The following TNFAIP8 variants were observed in gnomAD, a reference collection of about 807,000 sequenced individuals.
TNFAIP8 encodes the protein TNF alpha induced protein 8.
TNFAIP8 carries 7 observed loss-of-function variants against 13.3 expected under a neutral mutation model. That is an observed-to-expected ratio of 0.52 (90% CI 0.30 to 0.99). TNFAIP8 has a LOEUF of 0.99. Ranked by LOEUF, TNFAIP8 falls within the 50% of genes least tolerant of loss-of-function variation. The pLI, the probability that TNFAIP8 is intolerant of heterozygous loss-of-function variation, is 0.07. For missense variants in TNFAIP8, 258 were observed against 236.9 expected (o/e 1.09, Z -0.58); for synonymous variants, 94 against 87.6 (o/e 1.07, Z -0.41).
At chr5:119,347,586 C>A (rs1287181667) in intron 1 of TNFAIP8, among the ~76,000 whole-genome samples, 2 of 152,162 alleles carry the variant, frequency 1.3e-5, no homozygotes, top group Non-Finnish European at 2.9e-5. Flanking sequence ...TGAATCATAA[C>A]TAGTATATAT....
At chr5:119,310,956 A>T (rs1749711202) in intron 1 of TNFAIP8, among the ~76,000 whole-genome samples, 1 of 152,160 alleles carries the variant, frequency 6.6e-6, no homozygotes, top group Non-Finnish European at 1.5e-5. Flanking sequence ...CAAAAGCATT[A>T]TACTCCAAAG....
intron 1 of TNFAIP8, among the ~76,000 whole-genome samples, chr5:119,314,835 T>C (rs1749836360): frequency 1.3e-5 from 2 of 152,234 alleles, no homozygotes; most frequent in Non-Finnish European, 2.9e-5. Flanking sequence ...GATTAAAGCA[T>C]GTATGGCGCA....
chr5:119,292,677 TATATATATACACACACACAC>T (rs1749030125), intron 1 of TNFAIP8, among the ~76,000 whole-genome samples: 1 of 36,436 alleles, frequency 2.7e-5, no homozygotes, highest in South Asian at 9.2e-4. Context: ...TATATATATA[TATATATATACACACACACAC>T]AATGAAATAC....
At chr5:119,297,194 T>C (rs937031881) in intron 1 of TNFAIP8, among the ~76,000 whole-genome samples, 195 of 152,330 alleles carry the variant, frequency 1.3e-3, no homozygotes, top group African/African-American at 4.5e-3. Context: ...TTAATTGTGA[T>C]GTTAGGGTGG....
At chr5:119,303,445 A>G (rs1021161244) in intron 1 of TNFAIP8, among the ~76,000 whole-genome samples, 4 of 152,060 alleles carry the variant, frequency 2.6e-5, no homozygotes, top group African/African-American at 9.7e-5. Context: ...TAATGGGCTC[A>G]GTTAGATGGA....
At position 119,276,385 on chromosome 5, in the gene TNFAIP8, T is replaced by C. The variant is rs111403917; in HGVS notation, c.1+7478T>C. Among the ~76,000 whole-genome samples, 491 of 152,308 alleles carry C rather than the reference T, an allele frequency of 3.2e-3. 3 individuals are homozygous for C. The highest frequency in any genetic ancestry group is 0.011 in the African/African-American group (468 of 41,554). ...CACCTGCCTTGGCCTCCCAAAGTGT[T>C]GGGATTACAGGCTTGAGCCACCGCA... On this transcript the variant is annotated intron_variant, in intron 1 of 1. Transcript: ENST00000274456.
chr5:119,292,663 TATATATATATATATATATATATAC>T (rs1263428177), intron 1 of TNFAIP8, among the ~76,000 whole-genome samples: 2 of 44,280 alleles, frequency 4.5e-5, no homozygotes, highest in African/African-American at 9.9e-5. Context: ...TATATATATA[TATATATATATATATATATATATAC>T]ACACACACAC....
At chr5:119,340,955 G>A (rs1286493362) in intron 1 of TNFAIP8, among the ~76,000 whole-genome samples, 1 of 152,154 alleles carries the variant, frequency 6.6e-6, no homozygotes, top group Non-Finnish European at 1.5e-5. Context: ...AGATGTCGGG[G>A]TATTGTGGGA....
chr5:119,280,606 G>T (rs1748598738), intron 1 of TNFAIP8, among the ~76,000 whole-genome samples: 1 of 152,082 alleles, frequency 6.6e-6, no homozygotes, highest in Non-Finnish European at 1.5e-5. Context: ...TCTTTCACTG[G>T]GAGACACATG....
intron 1 of TNFAIP8, among the ~76,000 whole-genome samples, chr5:119,340,675 G>A (rs1239468891): frequency 6.6e-6 from 1 of 152,266 alleles, no homozygotes; most frequent in African/African-American, 2.4e-5. Flanking sequence ...GCTGAGGTGG[G>A]GGTAGGGGTG....
chr5:119,337,004 C>T (rs1174653110), intron 1 of TNFAIP8, among the ~76,000 whole-genome samples: 1 of 152,184 alleles, frequency 6.6e-6, no homozygotes, highest in Non-Finnish European at 1.5e-5. Context: ...GCCAAATCCT[C>T]TAATATCACT....
At chr5:119,374,595 C>T (rs1336022508) in intron 1 of TNFAIP8, among the ~76,000 whole-genome samples, 1 of 152,174 alleles carries the variant, frequency 6.6e-6, no homozygotes, top group Admixed American at 6.5e-5. Flanking sequence ...GTTGCCAGCG[C>T]AGGGAACAGA....
chr5:119,303,253 A>G (rs73252305), intron 1 of TNFAIP8, among the ~76,000 whole-genome samples: 1,545 of 152,316 alleles, frequency 0.01, 17 homozygotes, highest in African/African-American at 0.035. Context: ...TACTTTAATG[A>G]GTACTGTGTT....
intron 1 of TNFAIP8, among the ~76,000 whole-genome samples, chr5:119,319,457 C>T (rs1489739118): frequency 6.6e-6 from 1 of 152,118 alleles, no homozygotes; most frequent in East Asian, 1.9e-4. Flanking sequence ...AATAACACGG[C>T]AGCTGTTGAT....
intron 1 of TNFAIP8, among the ~76,000 whole-genome samples, chr5:119,301,463 A>T (rs80066540): frequency 0.011 from 1,602 of 152,274 alleles, 26 homozygotes; most frequent in South Asian, 0.05. Flanking sequence ...CAGCAGCAGC[A>T]GCTGCTTCTT....
intron 1 of TNFAIP8, among the ~76,000 whole-genome samples, chr5:119,341,049 C>A (rs1411865365): frequency 2.7e-5 from 4 of 150,116 alleles, no homozygotes; most frequent in African/African-American, 9.8e-5. Flanking sequence ...ACCTTTTATT[C>A]AGGGCTGGTA....
intron 1 of TNFAIP8, among the ~76,000 whole-genome samples, chr5:119,373,551 T>C (rs1318185660): frequency 1.3e-5 from 2 of 152,150 alleles, no homozygotes; most frequent in Non-Finnish European, 2.9e-5. Context: ...GGAGTTAACA[T>C]GCATACAAGA....
chr5:119,347,588 A>C (rs756492072), intron 1 of TNFAIP8, among the ~76,000 whole-genome samples: 5 of 152,210 alleles, frequency 3.3e-5, no homozygotes, highest in South Asian at 2.1e-4. Flanking sequence ...AATCATAACT[A>C]GTATATATTT....
At chr5:119,386,500 C>T (rs1260759698) in intron 1 of TNFAIP8, among the ~76,000 whole-genome samples, 4 of 149,738 alleles carry the variant, frequency 2.7e-5, no homozygotes, top group South Asian at 2.2e-4. Context: ...CTAATACTCC[C>T]GTCAAAAGAA....
Sources: gnomAD v4.1 joint callset for allele counts (sites outside exome capture counted in the v4.1 genomes callset) on GRCh38, gnomAD v4.1.1 for gene constraint, MANE v1.5 for transcripts, NCBI Gene and HGNC (gene_info 2026-07-23, HGNC 2026-07-21) for gene names.